The following TEX26 variants were observed in gnomAD, a reference collection of about 807,000 sequenced individuals.
The protein encoded by TEX26 is testis expressed 26.
TEX26 carries 34 observed loss-of-function variants against 35.3 expected under a neutral mutation model. That is an observed-to-expected ratio of 0.96 (90% CI 0.73 to 1.28). The LOEUF is 1.28. Ranked by LOEUF, TEX26 falls within the 50% of genes most tolerant of loss-of-function variation. The pLI is 0.00. For missense variants in TEX26, 371 were observed against 330.1 expected (o/e 1.12, Z -0.96); for synonymous variants, 136 against 111.8 (o/e 1.22, Z -1.36).
intron 2 of TEX26, among the ~76,000 whole-genome samples, chr13:30,948,187 C>T (rs2138224076): frequency 6.6e-6 from 1 of 152,254 alleles, no homozygotes; most frequent in South Asian, 2.1e-4. Context: ...GTGAATAGTG[C>T]CGCAATAAAC....
chr13:30,960,622 T>C (rs1235063189), intron 4 of TEX26, among the ~76,000 whole-genome samples: 1 of 152,222 alleles, frequency 6.6e-6, no homozygotes, highest in African/African-American at 2.4e-5. Flanking sequence ...CTAAGCTCTC[T>C]TTCTTCCTCC....
At chr13:30,974,741 A>AT in intron 6 of TEX26, 105 bp from the exon 7 acceptor site, 1 of 1,168,036 alleles carries the variant, frequency 8.6e-7, no homozygotes, top group Non-Finnish European at 1.2e-6. Flanking sequence ...AAATTTGTGT[A>AT]TTTAGTAATA....
At position 30,952,707 on chromosome 13, in the gene TEX26, C is replaced by T. The variant is rs1316288768; in HGVS notation, c.194C>T (p.Pro65Leu). Reference protein sequence around the residue: ...RLGYTYSLSDPILNQTQYSDE... With the variant: ...RLGYTYSLSDLILNQTQYSDE... ...GGATATACATATTCACTTAGTGATC[C>T]TATTCTCAATCAGACACAATATAGT... The change falls in exon 3 of 7, where the codon CCT becomes CTT. Residue 65 changes from proline to leucine, a missense_variant. Physicochemically the swap from Pro to Leu is moderately conservative, Grantham distance 98. Transcript: ENST00000380473. The T allele has an allele frequency of 6.2e-7, 1 of 1,610,100 alleles. No individual in the cohort carries two copies. Among genetic ancestry groups the T allele is most frequent in the African/African-American group, 1.3e-5 (1 of 74,748 alleles).
At chr13:30,940,349 T>G (rs1474985516) in intron 2 of TEX26, among the ~76,000 whole-genome samples, 61 of 121,594 alleles carry the variant, frequency 5.0e-4, no homozygotes, top group African/African-American at 1.8e-3. Flanking sequence ...TTTTTTTTTT[T>G]TTGAGACAGA....
At chr13:30,958,460 T>G (rs1002350761) in intron 4 of TEX26, among the ~76,000 whole-genome samples, 3 of 152,200 alleles carry the variant, frequency 2.0e-5, no homozygotes, top group African/African-American at 7.2e-5. Context: ...CTCCTGCTTT[T>G]TGGTGACAAA....
In TEX26 at chr13:30,955,181, A is replaced by T. The variant is rs186527692; in HGVS notation, c.313-1692A>T. ...AATGATAGCTGATGAGCTTTAAAAA[A>T]TGAAATCGCAAAAATATCTCATAAT... On this transcript the variant is annotated intron_variant, in intron 3 of 6. Coordinates refer to ENST00000380473, the MANE Select transcript of TEX26 (RefSeq NM_152325.3). Among the ~76,000 whole-genome samples the T allele has an allele frequency of 2.2e-3, 338 of 152,350 alleles. 1 individual carries two copies. The highest frequency in any genetic ancestry group is 8.0e-3 in the Admixed American group (123 of 15,308).
chr13:30,956,629 A>C (rs183855622), intron 3 of TEX26, among the ~76,000 whole-genome samples: 1 of 152,094 alleles, frequency 6.6e-6, no homozygotes, highest in Admixed American at 6.5e-5. Context: ...TGGAAGCACA[A>C]CTCTTTGAAG....
chr13:30,956,724 C>T (rs750451112), intron 3 of TEX26, 149 bp from the exon 4 acceptor site: 16 of 663,350 alleles, frequency 2.4e-5, no homozygotes, highest in African/African-American at 3.6e-5. Context: ...ACCAATGTCT[C>T]CTGTTGACGG....
intron 2 of TEX26, among the ~76,000 whole-genome samples, chr13:30,946,492 T>C (rs1419246261): frequency 1.3e-5 from 2 of 152,050 alleles, no homozygotes. Context: ...GCTAGTGTGA[T>C]CTTTTGGGGA....
chr13:30,949,676 G>GTATATCCAAAAAATAA (rs1953848343), intron 2 of TEX26, among the ~76,000 whole-genome samples: 1 of 151,846 alleles, frequency 6.6e-6, no homozygotes, highest in Non-Finnish European at 1.5e-5. Flanking sequence ...GCAATAAAAT[G>GTATATCCAAAAAATAA]TGTAGCTAAA....
chr13:30,945,317 T>C (rs543055698), intron 2 of TEX26, among the ~76,000 whole-genome samples: 22 of 152,042 alleles, frequency 1.4e-4, no homozygotes, highest in South Asian at 4.1e-4. Context: ...TCCACCCTTT[T>C]TCCTTGGGTT....
chr13:30,960,396 C>T (rs1954291341), intron 4 of TEX26, among the ~76,000 whole-genome samples: 1 of 152,108 alleles, frequency 6.6e-6, no homozygotes, highest in East Asian at 1.9e-4. Flanking sequence ...GCATGCACCA[C>T]CACGTCCGGC....
At chr13:30,966,011 G>A (rs986200766) in intron 4 of TEX26, among the ~76,000 whole-genome samples, 1 of 152,160 alleles carries the variant, frequency 6.6e-6, no homozygotes, top group African/African-American at 2.4e-5. Flanking sequence ...TGTGCCCACT[G>A]AGCAGACTCA....
In TEX26 at chr13:30,966,133, T is replaced by A. The variant is rs1238143042; in HGVS notation, c.470-89T>A. The A allele has an allele frequency of 2.8e-6, 4 of 1,427,236 alleles. No individual in the cohort carries two copies. The Admixed American group carries it at 5.6e-5, about 20-fold the overall frequency. 88.4% of individuals were successfully genotyped at this position (1,427,236 alleles called of 1,614,324 possible). Reference sequence around the variant, plus strand: ...CATTGAAGTGTTCATACAGGGCACATTGACCATACCTCTAAACACAGCAAG... The same window carrying A: ...CATTGAAGTGTTCATACAGGGCACAATGACCATACCTCTAAACACAGCAAG... On this transcript the variant is annotated intron_variant, in intron 4 of 6. Coordinates refer to ENST00000380473, the MANE Select transcript of TEX26 (RefSeq NM_152325.3).
At chr13:30,968,259 G>T (rs1419998372) in intron 5 of TEX26, among the ~76,000 whole-genome samples, 27 of 152,180 alleles carry the variant, frequency 1.8e-4, no homozygotes, top group Admixed American at 1.8e-3. Flanking sequence ...ATGGGAGGGG[G>T]AGAAGAGGAG....
chr13:30,960,863 T>C (rs114723447), intron 4 of TEX26, among the ~76,000 whole-genome samples: 2,803 of 152,342 alleles, frequency 0.018, 89 homozygotes, highest in African/African-American at 0.065. Context: ...AGTTTCACTT[T>C]TGTGGACTCT....
intron 2 of TEX26, among the ~76,000 whole-genome samples, chr13:30,948,486 G>A (rs1953800122): frequency 6.6e-6 from 1 of 152,078 alleles, no homozygotes; most frequent in African/African-American, 2.4e-5. Flanking sequence ...TTCTCTGATG[G>A]CCAGTGATGG....
intron 1 of TEX26, among the ~76,000 whole-genome samples, chr13:30,937,752 T>C (rs1953327631): frequency 6.6e-6 from 1 of 152,182 alleles, no homozygotes; most frequent in Non-Finnish European, 1.5e-5. Context: ...GGGCTAAGGC[T>C]TCAGTTATCT....
intron 3 of TEX26, 22 bp downstream of exon 3, chr13:30,952,847 T>A (rs1953982685): frequency 1.2e-6 from 2 of 1,602,638 alleles, no homozygotes; most frequent in Non-Finnish European, 8.5e-7. Context: ...TCTACATATG[T>A]GTTGAATTTA....
Sources: allele counts gnomAD v4.1 joint callset (sites outside exome capture counted in the v4.1 genomes callset), GRCh38; gene constraint gnomAD v4.1.1; transcripts MANE v1.5; gene names NCBI Gene and HGNC (gene_info 2026-07-23, HGNC 2026-07-21).